SLC6A20: variants seen among roughly 807,000 people sequenced by gnomAD.
SLC6A20 encodes sodium- and chloride-dependent transporter XTRP3.
Under a neutral mutation model 64.3 loss-of-function variants are expected in SLC6A20, and 73 were observed. That is an observed-to-expected ratio of 1.14 (90% CI 0.94 to 1.38). The LOEUF (loss-of-function observed/expected upper bound fraction) is 1.38. Among genes scored for constraint, SLC6A20 ranks in the 40% most tolerant of loss-of-function variants. SLC6A20 has a pLI of 0.00. For synonymous variants in SLC6A20, 347 were observed against 329.6 expected (o/e 1.05, Z -0.57); for missense variants, 725 against 772.8 (o/e 0.94, Z 0.73).
chr3:45,760,216 G>A (rs1575422807), intron 9 of SLC6A20, among the ~76,000 whole-genome samples, 194 bp from the exon 10 acceptor site: 1 of 152,228 alleles, frequency 6.6e-6, no homozygotes, highest in African/African-American at 2.4e-5. Context: ...AAGGGCTGAG[G>A]CTGCCCAGAA....
At position 45,781,957 on chromosome 3, in the gene SLC6A20, G is replaced by A. The variant is rs924663519; in HGVS notation, c.262+126C>T. ...CCCACCAGGCCATTTGTTCACCCCA[G>A]GCAAGAGCTCTCTCTTGGGCCTTGT... On this transcript the variant is annotated intron_variant, in intron 2 of 10. Transcript: ENST00000358525. 3.8e-6 allele frequency: 5 copies of A among 1,299,398 alleles called. No homozygotes were observed. The East Asian group carries it at 1.4e-4, about 37-fold the overall frequency. The allele number at this position is 1,299,398 out of a possible 1,614,324, so 80.5% of individuals were successfully genotyped here. A position where few individuals can be genotyped will look rare whatever the true frequency, so the allele number is the denominator to read the frequency against.
At chr3:45,781,220 C>CA (rs34987516) in intron 2 of SLC6A20, among the ~76,000 whole-genome samples, 40,909 of 129,258 alleles carry the variant, frequency 0.32, 6,148 homozygotes, top group East Asian at 0.6. Flanking sequence ...AACTCCGCCT[C>CA]AAAAAAAAAA....
chr3:45,790,509 C>G (rs1700231583), intron 1 of SLC6A20: 1 of 152,200 alleles, frequency 6.6e-6, no homozygotes, highest in African/African-American at 2.4e-5. Flanking sequence ...CATTTGGAGT[C>G]AAACCCAGTC....
intron 2 of SLC6A20, among the ~76,000 whole-genome samples, chr3:45,780,305 C>G (rs572812961): frequency 4.6e-5 from 7 of 152,222 alleles, no homozygotes; most frequent in African/African-American, 1.7e-4. Flanking sequence ...TCCAACCTCC[C>G]TCCTCACCTT....
rs373032541 is a variant in SLC6A20 at position 45,765,613 on chromosome 3, C to T, written c.1227G>A (p.Gly409=). The change falls in exon 8 of 11, where the codon GGG becomes GGA. Residue 409 remains glycine (G), a synonymous_variant. Coordinates refer to ENST00000358525, the MANE Select transcript of SLC6A20 (RefSeq NM_020208.4). The surrounding 1 kb of genome is among the most constrained non-coding windows in gnomAD (Gnocchi z 4.2). Reference sequence around the variant, plus strand: ...GAGGGGTGAGGATGGCCGCTGTGTTCCCCAGCATGCTCCCAATGCCCAGCA... The same window carrying T: ...GAGGGGTGAGGATGGCCGCTGTGTTTCCCAGCATGCTCCCAATGCCCAGCA... ...LLMLGIGSML[G]NTAAILTPLT... is the part of the protein sequence containing the mutation. 5.6e-6 allele frequency: 9 copies of T among 1,614,014 alleles called. No individual in the cohort carries two copies. In the African/African-American group the frequency reaches 9.3e-5, roughly 17 times the overall value.
intron 1 of SLC6A20, among the ~76,000 whole-genome samples, chr3:45,785,165 T>G (rs1700150515): frequency 6.6e-6 from 1 of 152,114 alleles, no homozygotes; most frequent in African/African-American, 2.4e-5. Flanking sequence ...GAAAACAGGT[T>G]GGTGGTGGCC....
chr3:45,782,391 T>C (rs1159396591), intron 1 of SLC6A20, among the ~76,000 whole-genome samples, 168 bp from the exon 2 acceptor site: 4 of 152,042 alleles, frequency 2.6e-5, no homozygotes, highest in Non-Finnish European at 5.9e-5. Context: ...TTCATCCTTC[T>C]TTCATTCCAC....
Position 45,764,615 on chromosome 3 carries a change from T to A in SLC6A20, c.1303+922A>T, listed in dbSNP as rs574630090. Among the ~76,000 whole-genome samples the A allele has an allele frequency of 2.0e-5, 3 of 149,816 alleles. No homozygotes were observed. In the Admixed American group the frequency reaches 2.0e-4, roughly 10 times the overall value. On this transcript the variant is annotated intron_variant, in intron 8 of 10. Coordinates refer to ENST00000358525, the MANE Select transcript of SLC6A20 (RefSeq NM_020208.4). The stretch of plus-strand genomic sequence containing the variant: ...TACTCAGGAGGATGAGGCACGAGAA[T>A]AGCTTGAGCCTGGGAGGTGGAGGTT...
At chr3:45,769,629 G>A (rs1699827565) in intron 7 of SLC6A20, among the ~76,000 whole-genome samples, 1 of 151,782 alleles carries the variant, frequency 6.6e-6, no homozygotes, top group Non-Finnish European at 1.5e-5. Flanking sequence ...CTGAATGAGA[G>A]AAGTATCTTT....
chr3:45,758,687 C>T lies in SLC6A20; in HGVS notation c.*291G>A. 8.2e-7 allele frequency: 1 copy of T among 1,215,764 alleles called. No homozygotes were observed. 75.3% of individuals were successfully genotyped at this position (1,215,764 alleles called of 1,614,324 possible). A position where few individuals can be genotyped will look rare whatever the true frequency, so the allele number is the denominator to read the frequency against. On this transcript the variant is annotated 3_prime_UTR_variant, in exon 11 of 11. Transcript: ENST00000358525. ...AGTCATATTTCAGTTTGCAATGTGC[C>T]CTAATTCTAGGGCTTTCCTGGAATG...
intron 1 of SLC6A20, among the ~76,000 whole-genome samples, chr3:45,782,943 T>C (rs567741544): frequency 3.6e-4 from 55 of 152,366 alleles, no homozygotes; most frequent in African/African-American, 1.3e-3. Context: ...AACTAATAGT[T>C]GATCAGGGCC....
chr3:45,779,483 T>C (rs1700031952), intron 3 of SLC6A20, among the ~76,000 whole-genome samples: 1 of 152,098 alleles, frequency 6.6e-6, no homozygotes, highest in Admixed American at 6.5e-5. Flanking sequence ...TGTTACAGGG[T>C]GACAATGGTC....
Position 45,762,930 on chromosome 3 carries a change from G to T in SLC6A20, c.1446C>A (p.Tyr482Ter), listed in dbSNP as rs774703310. ...IVLVETIAVC[Y>*]VYGLRRFESD... ...CTCCTCACCTCCTCAGCCCGTACACGTAGCACACGGCAATCGTCTCCACCA... is the reference window on the plus strand; with the variant it reads ...CTCCTCACCTCCTCAGCCCGTACACTTAGCACACGGCAATCGTCTCCACCA... Residue 482 changes from tyrosine to a stop codon, truncating the protein, a stop_gained, in exon 9 of 11, where the codon TAC becomes TAA. Transcript: ENST00000358525. LOFTEE classifies it high-confidence loss of function. 3 of 1,614,158 alleles carry T rather than the reference G, an allele frequency of 1.9e-6. No individual in the cohort carries two copies. Among genetic ancestry groups the T allele is most frequent in the South Asian group, 1.1e-5 (1 of 91,078 alleles).
chr3:45,777,577 C>T (rs1279378979), intron 3 of SLC6A20, among the ~76,000 whole-genome samples: 1 of 152,228 alleles, frequency 6.6e-6, no homozygotes, highest in Non-Finnish European at 1.5e-5. Flanking sequence ...TGTAGCTAGC[C>T]TCTCACCCTC....
chr3:45,778,271 G>A (rs1442401940), intron 3 of SLC6A20, among the ~76,000 whole-genome samples: 1 of 152,218 alleles, frequency 6.6e-6, no homozygotes, highest in Non-Finnish European at 1.5e-5. Context: ...CTCTGCTCGG[G>A]TGCTCAGTGT....
chr3:45,779,583 G>A (rs187145096), intron 3 of SLC6A20, among the ~76,000 whole-genome samples: 2 of 152,280 alleles, frequency 1.3e-5, no homozygotes, highest in East Asian at 1.9e-4. Flanking sequence ...TGAGGAAAGC[G>A]GGAGAAGGGG....
intron 1 of SLC6A20, among the ~76,000 whole-genome samples, chr3:45,794,119 G>T (rs1461770713): frequency 1.3e-5 from 2 of 152,172 alleles, no homozygotes; most frequent in African/African-American, 4.8e-5. Flanking sequence ...AGAGCACAAC[G>T]GAGAGAAAGC....
chr3:45,791,119 C>G (rs1700243320), intron 1 of SLC6A20, among the ~76,000 whole-genome samples: 1 of 152,206 alleles, frequency 6.6e-6, no homozygotes, highest in African/African-American at 2.4e-5. Flanking sequence ...TTTGTTAAAG[C>G]TTTTCCTGCT....
intron 1 of SLC6A20, among the ~76,000 whole-genome samples, chr3:45,792,872 A>G (rs1410301089): frequency 6.6e-6 from 1 of 152,124 alleles, no homozygotes; most frequent in Admixed American, 6.5e-5. Flanking sequence ...CTGGGACCCT[A>G]CTGCCGGGCC....
Sources: allele counts gnomAD v4.1 joint callset (sites outside exome capture counted in the v4.1 genomes callset), GRCh38; gene constraint gnomAD v4.1.1; non-coding constraint Gnocchi (gnomAD v3.1); transcripts MANE v1.5; gene names NCBI Gene and HGNC (gene_info 2026-07-23, HGNC 2026-07-21).